Variants in WWC1 observed in about 807,000 individuals in gnomAD.
WWC1 encodes protein KIBRA.
WWC1 carries 55 observed loss-of-function variants against 138.4 expected under a neutral mutation model. That is an observed-to-expected ratio of 0.40 (90% CI 0.32 to 0.50). The LOEUF is 0.50. Among genes scored for constraint, WWC1 ranks in the 20% least tolerant of loss-of-function variants. The probability of loss-of-function intolerance (pLI) is 0.72; values close to 1 mark genes in which losing one functional copy is unlikely to be tolerated. For missense variants in WWC1, 1,226 were observed against 1,420.4 expected (o/e 0.86, Z 2.20); for synonymous variants, 524 against 564.9 (o/e 0.93, Z 1.03).
At chr5:168,391,283 C>G (rs1236378865) in intron 3 of WWC1, among the ~76,000 whole-genome samples, 1 of 152,102 alleles carries the variant, frequency 6.6e-6, no homozygotes, top group Non-Finnish European at 1.5e-5. Flanking sequence ...ACATGTAGTT[C>G]CAGTTACTCA....
chr5:168,358,814 A>G (rs968805563), intron 1 of WWC1, among the ~76,000 whole-genome samples: 1 of 152,074 alleles, frequency 6.6e-6, no homozygotes, highest in African/African-American at 2.4e-5. Context: ...ACATACATAC[A>G]TGTATACGTA....
intron 5 of WWC1, 31 bp downstream of exon 5, chr5:168,399,598 G>A: frequency 6.2e-7 from 1 of 1,609,464 alleles, no homozygotes; most frequent in Non-Finnish European, 8.5e-7. Context: ...AGAGCATGGG[G>A]GCTGCTCCCC....
chr5:168,399,608 C>T, intron 5 of WWC1, 41 bp downstream of exon 5: 2 of 1,598,260 alleles, frequency 1.3e-6, no homozygotes, highest in Non-Finnish European at 1.7e-6. Flanking sequence ...GGCTGCTCCC[C>T]ACCCTGGTTC....
intron 2 of WWC1, among the ~76,000 whole-genome samples, chr5:168,383,788 A>G (rs1254091912): frequency 6.6e-6 from 1 of 152,132 alleles, no homozygotes; most frequent in African/African-American, 2.4e-5. Context: ...TGGCTTGTTG[A>G]TCACCCCTAA....
intron 16 of WWC1, 155 bp downstream of exon 16, chr5:168,441,989 A>C: frequency 8.7e-7 from 1 of 1,153,042 alleles, no homozygotes; most frequent in Non-Finnish European, 1.2e-6. Context: ...AGAGATCTCC[A>C]CTAAGGGGCA....
rs976662242 is a variant in WWC1 at position 168,453,997 on chromosome 5, C to T, written c.2555C>T (p.Ala852Val). 16 of 1,610,244 alleles carry T rather than the reference C, an allele frequency of 9.9e-6. No individual in the cohort carries two copies. The Admixed American group carries it at 2.2e-4, about 22-fold the overall frequency. The change falls in exon 18 of 23, where the codon GCA (alanine) becomes GTA (valine). Residue 852 changes from alanine (A) to valine (V), a missense_variant. Physicochemically the swap from Ala to Val is moderately conservative, Grantham distance 64. Coordinates refer to ENST00000265293, the MANE Select transcript of WWC1 (RefSeq NM_015238.3). ...TATGAGGAGACCAGTGAGAATGAGG[C>T]AGTAGCCGAGGAAGAGGAGGAGGAG... The part of the protein sequence containing the change: ...WRYEETSENE[A>V]VAEEEEEEVE...
chr5:168,408,470 G>A, intron 6 of WWC1, 37 bp from the exon 7 acceptor site: 3 of 1,607,102 alleles, frequency 1.9e-6, no homozygotes, highest in Middle Eastern at 1.7e-4. Flanking sequence ...TCCCTCCTGG[G>A]AAGGCGCATC....
At chr5:168,391,781 A>ATG (rs1367486065) in intron 3 of WWC1, among the ~76,000 whole-genome samples, 2 of 144,476 alleles carry the variant, frequency 1.4e-5, no homozygotes, top group Non-Finnish European at 3.0e-5. Flanking sequence ...ATATATATAT[A>ATG]TATATATATA....
At chr5:168,334,322 G>T (rs1773279765) in intron 1 of WWC1, among the ~76,000 whole-genome samples, 1 of 152,036 alleles carries the variant, frequency 6.6e-6, no homozygotes, top group Admixed American at 6.6e-5. Context: ...TGCCTCTCCG[G>T]CCCCATCCTG....
chr5:168,440,259 A>G lies in WWC1; in HGVS notation c.2281-1423A>G, dbSNP rs566223744. 4.6e-5 allele frequency among the ~76,000 whole-genome samples: 7 copies of G among 152,300 alleles called. No homozygotes were observed. The East Asian group carries it at 1.4e-3, about 29-fold the overall frequency. On this transcript the variant is annotated intron_variant, in intron 15 of 22. Transcript: ENST00000265293. ...CAAATCAAAACCACAATGAGATACCACCTCACACATATTTGGATGATGGCT... is the reference window on the plus strand; with the variant it reads ...CAAATCAAAACCACAATGAGATACCGCCTCACACATATTTGGATGATGGCT...
rs528877668 is a variant in WWC1 at position 168,426,596 on chromosome 5, C to T, written c.1811-1437C>T. Among the ~76,000 whole-genome samples, 32 of 152,330 alleles carry T rather than the reference C, an allele frequency of 2.1e-4. 1 individual carries two copies. The South Asian group carries it at 3.7e-3, about 18-fold the overall frequency. On this transcript the variant is annotated intron_variant, in intron 11 of 22. Coordinates refer to ENST00000265293, the MANE Select transcript of WWC1 (RefSeq NM_015238.3). ...GTTCAGTCAGCAGACAAATTAATCT[C>T]CTTAAGTGGTTTAGTGGAGGGTGGA...
chr5:168,351,916 A>G (rs1490512097), intron 1 of WWC1, among the ~76,000 whole-genome samples: 1 of 152,082 alleles, frequency 6.6e-6, no homozygotes. Context: ...CACCCTCTCC[A>G]CCCAAGACAC....
At chr5:168,410,061 C>T in intron 8 of WWC1, 66 bp downstream of exon 8, 1 of 1,480,340 alleles carries the variant, frequency 6.8e-7, no homozygotes, top group Non-Finnish European at 9.4e-7. Context: ...AGAATGCCTG[C>T]TCTGTGCTTA....
chr5:168,333,785 AG>A (rs947492999), intron 1 of WWC1, among the ~76,000 whole-genome samples: 1 of 152,124 alleles, frequency 6.6e-6, no homozygotes, highest in African/African-American at 2.4e-5. Context: ...TTCTATGCTG[AG>A]GACTCAGAAA....
chr5:168,420,132 T>A (rs1331727582), intron 9 of WWC1, among the ~76,000 whole-genome samples: 1 of 152,200 alleles, frequency 6.6e-6, no homozygotes, highest in East Asian at 1.9e-4. Flanking sequence ...TGCTTCTGTA[T>A]TTTGCCCTAA....
At chr5:168,424,232 G>A (rs1298975399) in intron 11 of WWC1, among the ~76,000 whole-genome samples, 164 bp downstream of exon 11, 1 of 152,210 alleles carries the variant, frequency 6.6e-6, no homozygotes, top group Non-Finnish European at 1.5e-5. Flanking sequence ...TATTAACTCA[G>A]TATTTTTGAG....
At chr5:168,413,171 C>T (rs528422854) in intron 8 of WWC1, among the ~76,000 whole-genome samples, 113 of 152,254 alleles carry the variant, frequency 7.4e-4, no homozygotes, top group African/African-American at 2.6e-3. Context: ...TTATGATTTG[C>T]AGTCTTAGGT....
chr5:168,353,660 C>A (rs1283376433), intron 1 of WWC1, among the ~76,000 whole-genome samples: 1 of 152,230 alleles, frequency 6.6e-6, no homozygotes. Context: ...CGCTGTGTGC[C>A]GTCAGGCCAA....
intron 3 of WWC1, 49 bp from the exon 4 acceptor site, chr5:168,397,675 G>T: frequency 6.2e-7 from 1 of 1,606,972 alleles, no homozygotes; most frequent in South Asian, 1.1e-5. Flanking sequence ...CAACTTTGCT[G>T]AAATCTGTTT....
Sources: allele counts gnomAD v4.1 joint callset (sites outside exome capture counted in the v4.1 genomes callset), GRCh38; gene constraint gnomAD v4.1.1; transcripts MANE v1.5; gene names NCBI Gene and HGNC (gene_info 2026-07-23, HGNC 2026-07-21).